The following GRM4 variants were observed in gnomAD, a reference collection of about 807,000 sequenced individuals.
GRM4 encodes the protein glutamate metabotropic receptor 4, also known as metabotropic glutamate receptor 4.
Under a neutral mutation model 81.7 loss-of-function variants are expected in GRM4, and 28 were observed. The ratio of observed to expected loss-of-function variants is 0.34; its 90% CI spans 0.25 to 0.47. The LOEUF (loss-of-function observed/expected upper bound fraction) is 0.47, where lower values mean the gene tolerates loss of function less well. Among genes scored for constraint, GRM4 ranks in the 20% least tolerant of loss-of-function variants. The pLI, the probability that GRM4 is intolerant of heterozygous loss-of-function variation, is 1.00. For synonymous variants in GRM4, 488 were observed against 528.8 expected, an observed-to-expected ratio of 0.92 and a Z score of 1.06; for missense variants, 948 against 1,290.0, an observed-to-expected ratio of 0.73 and a Z score of 4.06.
At chr6:34,043,804 C>T (rs1765128759) in intron 6 of GRM4, among the ~76,000 whole-genome samples, 1 of 152,186 alleles carries the variant, frequency 6.6e-6, no homozygotes, top group South Asian at 2.1e-4. Flanking sequence ...CCAGGGTAAC[C>T]TGCCTCCACC....
intron 2 of GRM4, among the ~76,000 whole-genome samples, chr6:34,128,196 G>A (rs751561180): frequency 1.3e-5 from 2 of 152,176 alleles, no homozygotes; most frequent in African/African-American, 4.8e-5. Context: ...AACTCTCCGG[G>A]ATCAGCCTTA....
At position 34,056,684 on chromosome 6, in the gene GRM4, C is replaced by G; in HGVS notation, c.1028G>C (p.Gly343Ala). The G allele has an allele frequency of 1.9e-6, 3 of 1,612,742 alleles. No homozygotes were observed. The highest frequency in any genetic ancestry group is 2.5e-6 in the Non-Finnish European group (3 of 1,179,356). ...GCGGCTGGAGAAGTAGCGGTCGAAG[C>G]CTGGCAGGGAACCAGGACGTCAGGG... ...TILPKRMSVR[G>A]FDRYFSSRTL... The change falls in exon 6 of 11, where the codon GGC becomes GCC. Residue 343 changes from glycine (G) to alanine (A), a missense_variant and splice_region_variant. Transcript: ENST00000538487.
intron 6 of GRM4, among the ~76,000 whole-genome samples, chr6:34,046,914 T>TTCCAG: frequency 6.6e-6 from 1 of 152,228 alleles, no homozygotes; most frequent in South Asian, 2.1e-4. Flanking sequence ...TTAAGCAAAC[T>TTCCAG]TCCAGGGAGT....
intron 1 of GRM4, among the ~76,000 whole-genome samples, chr6:34,137,855 C>T (rs536889237): frequency 6.6e-6 from 1 of 151,364 alleles, no homozygotes; most frequent in African/African-American, 2.4e-5. Context: ...CTCAGCCTCC[C>T]AAAGTACTGG....
At chr6:34,044,379 CACAT>C (rs1452807402) in intron 6 of GRM4, among the ~76,000 whole-genome samples, 1 of 151,266 alleles carries the variant, frequency 6.6e-6, no homozygotes, top group African/African-American at 2.4e-5. Flanking sequence ...CACATACACA[CACAT>C]AGACATACAT....
intron 6 of GRM4, among the ~76,000 whole-genome samples, chr6:34,051,684 C>G (rs1765619118): frequency 6.6e-6 from 1 of 152,162 alleles, no homozygotes; most frequent in African/African-American, 2.4e-5. Flanking sequence ...GTAGGCTTGA[C>G]AGCTGCAGAG....
chr6:34,044,719 TAC>T lies in GRM4; in HGVS notation c.1169-3973_1169-3972del, dbSNP rs752357878. 1.8e-4 allele frequency among the ~76,000 whole-genome samples: 12 copies of T among 67,316 alleles called. 1 individual carries two copies. Among genetic ancestry groups the T allele is most frequent in the East Asian group, 5.1e-4 (1 of 1,954 alleles). The allele number at this position is 67,316 out of a possible 152,430, so 44.2% of individuals were successfully genotyped here. A position where few individuals can be genotyped will look rare whatever the true frequency, so the allele number is the denominator to read the frequency against. On this transcript the variant is annotated intron_variant, in intron 6 of 10. Transcript: ENST00000538487. ...ACACATATATACAGACACACACACA[TAC>T]ACACACAGACATACATACATACACA...
At chr6:34,123,816 A>G (rs1433981934) in intron 2 of GRM4, among the ~76,000 whole-genome samples, 1 of 152,206 alleles carries the variant, frequency 6.6e-6, no homozygotes, top group Non-Finnish European at 1.5e-5. Context: ...TCCATGCGGC[A>G]GCCACCACAT....
Position 34,040,661 on chromosome 6 carries a change from G to A in GRM4, c.1256C>T (p.Ala419Val), listed in dbSNP as rs1447936597. Residue 419 changes from alanine to valine, a missense_variant, in exon 7 of 11, where the codon GCG (alanine) becomes GTG (valine). Ala to Val is a moderately conservative substitution (Grantham distance 64). Coordinates refer to ENST00000538487, the MANE Select transcript of GRM4 (RefSeq NM_000841.4). The part of the protein sequence containing the change: ...VIDAVYAMGH[A>V]LHAMHRDLCP... Reference sequence around the variant, plus strand: ...CAGGTCACGGTGCATGGCGTGCAGCGCGTGGCCCATGGCGTACACGGCATC... The same window carrying A: ...CAGGTCACGGTGCATGGCGTGCAGCACGTGGCCCATGGCGTACACGGCATC... 5 of 1,613,938 alleles carry A rather than the reference G, an allele frequency of 3.1e-6. No individual in the cohort carries two copies. The highest frequency in any genetic ancestry group is 2.2e-5 in the East Asian group (1 of 44,886).
Position 34,152,644 on chromosome 6 carries a change from C to G in GRM4, c.312+2435G>C, listed in dbSNP as rs1324062383. Among the ~76,000 whole-genome samples, 2 of 152,216 alleles carry G rather than the reference C, an allele frequency of 1.3e-5. No homozygotes were observed. Among genetic ancestry groups the G allele is most frequent in the Non-Finnish European group, 2.9e-5 (2 of 68,046 alleles). The stretch of plus-strand genomic sequence containing the variant: ...AGCAGTGCTGGGGAAGAAAAGCCCA[C>G]ACGCCAGCTCCTACCCTCGTGGGCT... On this transcript the variant is annotated intron_variant, in intron 1 of 8. Coordinates refer to the GRM4 transcript ENST00000374177. This position sits in a 1 kb window ranked among gnomAD's most constrained non-coding sequence, Gnocchi z 4.1.
chr6:34,149,535 G>T (rs1319888316), upstream of GRM4, among the ~76,000 whole-genome samples: 2 of 152,222 alleles, frequency 1.3e-5, no homozygotes, highest in Non-Finnish European at 2.9e-5. Flanking sequence ...AGGTCAAGGG[G>T]CTAGGGCCCC....
chr6:34,128,465 C>T (rs1459828467), intron 2 of GRM4, among the ~76,000 whole-genome samples: 2 of 151,062 alleles, frequency 1.3e-5, no homozygotes, highest in African/African-American at 4.9e-5. Flanking sequence ...ACAACCTCTG[C>T]CTCCCGGGTT....
chr6:34,103,782 T>A lies in GRM4; in HGVS notation c.520-11683A>T, dbSNP rs981371067. The A allele has an allele frequency of 2.1e-6, 3 of 1,449,450 alleles. No individual in the cohort carries two copies. The African/African-American group carries it at 4.3e-5, about 21-fold the overall frequency. The allele number at this position is 1,449,450 out of a possible 1,614,324, so 89.8% of individuals were successfully genotyped here. A position where few individuals can be genotyped will look rare whatever the true frequency, so the allele number is the denominator to read the frequency against. On this transcript the variant is annotated intron_variant, in intron 2 of 10. Coordinates refer to ENST00000538487, the MANE Select transcript of GRM4 (RefSeq NM_000841.4). ...GCTGTGTGACCTTGGGCAAGTCACCTCCTTTGTGAGCCTCAGTCTCCTCAT... is the reference window on the plus strand; with the variant it reads ...GCTGTGTGACCTTGGGCAAGTCACCACCTTTGTGAGCCTCAGTCTCCTCAT...
intron 9 of GRM4, among the ~76,000 whole-genome samples, chr6:34,032,554 T>C (rs919994020): frequency 2.0e-5 from 3 of 151,920 alleles, no homozygotes; most frequent in Admixed American, 1.3e-4. Context: ...GTGGGAGAGG[T>C]GTATGTCCCA....
intron 9 of GRM4, among the ~76,000 whole-genome samples, chr6:34,032,144 G>A (rs116335098): frequency 0.014 from 2,054 of 152,136 alleles, 19 homozygotes; most frequent in East Asian, 0.023. Flanking sequence ...CATATGCTCA[G>A]CCTACACATC....
chr6:34,042,339 A>G lies in GRM4; in HGVS notation c.1169-1591T>C, dbSNP rs1472604885. On this transcript the variant is annotated intron_variant, in intron 6 of 10. Coordinates refer to ENST00000538487, the MANE Select transcript of GRM4 (RefSeq NM_000841.4). The surrounding 1 kb of genome is among the most constrained non-coding windows in gnomAD (Gnocchi z 4.2). ...GACTATGAAAAGCTGATGTGAACCC[A>G]GGTACTCCAACTCCAACCCTGAGCA... Among the ~76,000 whole-genome samples, 2 of 152,184 alleles carry G rather than the reference A, an allele frequency of 1.3e-5. No homozygotes were observed. The highest frequency in any genetic ancestry group is 2.9e-5 in the Non-Finnish European group (2 of 68,038).
At chr6:34,147,028 T>G (rs138235336), upstream of GRM4, among the ~76,000 whole-genome samples, 1,170 of 152,348 alleles carry the variant, frequency 7.7e-3, 12 homozygotes, top group Middle Eastern at 0.048. Context: ...CCATGGAGCC[T>G]GGCACCATGC....
Position 34,035,885 on chromosome 6 carries a change from C to T in GRM4, c.2225G>A (p.Gly742Asp). ...QRTLDPRFAR[G>D]VLKCDISDLS... Reference sequence around the variant, plus strand: ...GTCCGAGATGTCACACTTGAGCACACCCCTGGCGAAGCGGGGGTCGAGTGT... The same window carrying T: ...GTCCGAGATGTCACACTTGAGCACATCCCTGGCGAAGCGGGGGTCGAGTGT... Residue 742 changes from glycine (G) to aspartate (D), a missense_variant, in exon 9 of 11, where the codon GGT becomes GAT. Physicochemically the swap from Gly to Asp is moderately conservative, Grantham distance 94 (BLOSUM62 -1). Transcript: ENST00000538487. The surrounding 1 kb of genome is among the most constrained non-coding windows in gnomAD (Gnocchi z 6.6). The T allele has an allele frequency of 6.2e-7, 1 of 1,609,034 alleles. No individual in the cohort carries two copies. The highest frequency in any genetic ancestry group is 8.5e-7 in the Non-Finnish European group (1 of 1,175,900).
chr6:34,022,303 A>T lies in GRM4; in HGVS notation c.*518T>A, dbSNP rs1357592580. On this transcript the variant is annotated 3_prime_UTR_variant, in exon 11 of 11. Transcript: ENST00000538487. The surrounding 1 kb of genome is among the most constrained non-coding windows in gnomAD (Gnocchi z 5.6). ...ACGGCAGAAAAGTGACACTGGTGGG[A>T]CCCAAGAAAGCAGGAGGAGCTGAGG... is the stretch of plus-strand genomic sequence containing the variant. 1 of 160,912 alleles carries T rather than the reference A, an allele frequency of 6.2e-6. No individual in the cohort carries two copies. Among genetic ancestry groups the T allele is most frequent in the Non-Finnish European group, 1.4e-5 (1 of 73,448 alleles). The allele number at this position is 160,912 out of a possible 1,614,324, so 10.0% of individuals were successfully genotyped here. A position where few individuals can be genotyped will look rare whatever the true frequency, so the allele number is the denominator to read the frequency against.
Sources: allele counts gnomAD v4.1 joint callset (sites outside exome capture counted in the v4.1 genomes callset), GRCh38; gene constraint gnomAD v4.1.1; non-coding constraint Gnocchi (gnomAD v3.1); transcripts MANE v1.5; gene names NCBI Gene and HGNC (gene_info 2026-07-23, HGNC 2026-07-21).